MICAL3: variants seen among roughly 807,000 people sequenced by gnomAD.
MICAL3 encodes the protein microtubule associated monooxygenase, calponin and LIM domain containing 3, also known as [F-actin]-monooxygenase MICAL3.
A neutral mutation model predicts 207.4 loss-of-function variants in MICAL3; 62 were observed. The observed-to-expected ratio is 0.30, with a 90% CI of 0.24 to 0.37. The LOEUF is 0.37. MICAL3 is among the 10% of genes least tolerant of loss of function. The probability of loss-of-function intolerance (pLI) is 1.00; values close to 1 mark genes in which losing one functional copy is unlikely to be tolerated. For synonymous variants in MICAL3, 1,077 were observed against 1,069.3 expected, an observed-to-expected ratio of 1.01 and a Z score of -0.14; for missense variants, 2,368 against 2,635.6, an observed-to-expected ratio of 0.90 and a Z score of 2.22.
intron 28 of MICAL3, among the ~76,000 whole-genome samples, chr22:17,809,991 C>A (rs982825082): frequency 6.6e-6 from 1 of 150,904 alleles, no homozygotes; most frequent in Non-Finnish European, 1.5e-5. Context: ...TGGGTTCAAG[C>A]GATTCTCGTG....
chr22:17,812,447 C>T (rs78630124), intron 27 of MICAL3: 17,056 of 918,844 alleles, frequency 0.019, 194 homozygotes, highest in African/African-American at 0.048. Context: ...GGGCCGGCGC[C>T]GGGTGGTTAA....
intron 17 of MICAL3, among the ~76,000 whole-genome samples, chr22:17,870,011 C>T (rs1458955622): frequency 6.6e-6 from 1 of 152,152 alleles, no homozygotes; most frequent in Admixed American, 6.5e-5. Context: ...GCTAAAACTT[C>T]GGTGCCCCTA....
chr22:17,957,720 A>G (rs1233788881), intron 1 of MICAL3, among the ~76,000 whole-genome samples: 1 of 146,074 alleles, frequency 6.8e-6, no homozygotes, highest in African/African-American at 2.6e-5. Context: ...AAAAAAAAAA[A>G]AAAAAAAGAG....
At chr22:18,003,206 G>A (rs1482307418) in intron 1 of MICAL3, among the ~76,000 whole-genome samples, 1 of 150,702 alleles carries the variant, frequency 6.6e-6, no homozygotes, top group Non-Finnish European at 1.5e-5. Flanking sequence ...TAGACTTTCT[G>A]ACACCTACTT....
intron 1 of MICAL3, among the ~76,000 whole-genome samples, chr22:17,947,362 A>G (rs1016392331): frequency 6.6e-6 from 1 of 152,244 alleles, no homozygotes; most frequent in Non-Finnish European, 1.5e-5. Flanking sequence ...TTAAGGAAAG[A>G]GGAAAAGACC....
At chr22:17,988,668 G>A (rs1473990256) in intron 1 of MICAL3, among the ~76,000 whole-genome samples, 2 of 152,168 alleles carry the variant, frequency 1.3e-5, no homozygotes, top group East Asian at 1.9e-4. Flanking sequence ...ATCTTGGCCA[G>A]GCTGGTCTTG....
At chr22:17,863,287 G>C (rs929655417) in intron 19 of MICAL3, 2 of 985,234 alleles carry the variant, frequency 2.0e-6, no homozygotes, top group Admixed American at 6.1e-5. Context: ...AGTTTCTTTT[G>C]AGTTGTTCTA....
chr22:17,980,880 C>T (rs1416415110), intron 1 of MICAL3: 1 of 531,718 alleles, frequency 1.9e-6, no homozygotes, highest in South Asian at 1.4e-5. Flanking sequence ...CCCTCACTTC[C>T]GACTAAGTGC....
intron 1 of MICAL3, among the ~76,000 whole-genome samples, chr22:17,913,955 A>T (rs146427966): frequency 3.8e-4 from 58 of 152,294 alleles, no homozygotes; most frequent in African/African-American, 1.3e-3. Context: ...CCTGAGGCTC[A>T]CCATCCTACA....
At chr22:17,944,421 T>C (rs942910953) in intron 1 of MICAL3, among the ~76,000 whole-genome samples, 2 of 152,130 alleles carry the variant, frequency 1.3e-5, no homozygotes, top group African/African-American at 4.8e-5. Flanking sequence ...AGAGCAAATA[T>C]TGTTTACAAC....
chr22:17,852,970 G>C (rs1925495113), intron 19 of MICAL3, among the ~76,000 whole-genome samples: 1 of 151,966 alleles, frequency 6.6e-6, no homozygotes, highest in Admixed American at 6.6e-5. Context: ...AGCTACTCAG[G>C]AGACTGGGGC....
At chr22:17,943,864 G>A (rs1385349218) in intron 1 of MICAL3, among the ~76,000 whole-genome samples, 1 of 152,222 alleles carries the variant, frequency 6.6e-6, no homozygotes, top group African/African-American at 2.4e-5. Context: ...AAAAGGCAGT[G>A]CAGGTGAGAG....
chr22:17,920,403 C>T (rs764158527), intron 1 of MICAL3, among the ~76,000 whole-genome samples: 1 of 152,192 alleles, frequency 6.6e-6, no homozygotes, highest in Non-Finnish European at 1.5e-5. Context: ...TTCACTCCCT[C>T]TCCAATCTGG....
rs117060280 is a variant in MICAL3 at position 17,808,392 on chromosome 22, C to T, written c.5650+452G>A. Among the ~76,000 whole-genome samples the T allele has an allele frequency of 7.6e-4, 116 of 152,330 alleles. 1 individual carries two copies. In the East Asian group the frequency reaches 0.02, roughly 27 times the overall value. ...GGGTGGCCACATGCTCCCCGACCAG[C>T]GGTGTTGAGGGCTCTGTGGGCAGGA... On this transcript the variant is annotated intron_variant, in intron 29 of 31. Transcript: ENST00000441493.
chr22:17,836,402 T>C (rs991195712), intron 20 of MICAL3, among the ~76,000 whole-genome samples: 2 of 152,214 alleles, frequency 1.3e-5, no homozygotes. Context: ...GTCATTTGCA[T>C]AAGGAGAAGT....
intron 1 of MICAL3, among the ~76,000 whole-genome samples, chr22:18,002,554 A>C (rs1281353524): frequency 6.6e-6 from 1 of 151,942 alleles, no homozygotes; most frequent in Non-Finnish European, 1.5e-5. Flanking sequence ...AATCGCTTGA[A>C]CCCAGGAGGC....
rs759157240 is a variant in MICAL3 at position 17,886,317 on chromosome 22, C to T, written c.2068-266G>A. 3.9e-5 allele frequency among the ~76,000 whole-genome samples: 6 copies of T among 152,216 alleles called. No individual in the cohort carries two copies. In the East Asian group the frequency reaches 9.6e-4, roughly 24 times the overall value. On this transcript the variant is annotated intron_variant, in intron 15 of 31. Transcript: ENST00000441493. ...AAAGAGACAAGGAGGCCCTGGTGCACGTGTGTGCATCCCTGGTGTGCTCTG... is the reference window on the plus strand; with the variant it reads ...AAAGAGACAAGGAGGCCCTGGTGCATGTGTGTGCATCCCTGGTGTGCTCTG...
At chr22:17,795,402 G>A (rs188860275) in intron 29 of MICAL3, among the ~76,000 whole-genome samples, 4 of 152,320 alleles carry the variant, frequency 2.6e-5, no homozygotes, top group African/African-American at 4.8e-5. Flanking sequence ...GCTGTGGAGC[G>A]GAACAGCGCC....
At position 17,906,545 on chromosome 22, in the gene MICAL3, T is replaced by C. The variant is rs1408703304; in HGVS notation, c.264+4A>G. The C allele has an allele frequency of 6.2e-7, 1 of 1,612,050 alleles. No individual in the cohort carries two copies. The highest frequency in any genetic ancestry group is 1.1e-5 in the South Asian group (1 of 90,904). On this transcript the variant is annotated splice_donor_region_variant and intron_variant, in intron 2 of 31. Coordinates refer to ENST00000441493, the MANE Select transcript of MICAL3 (RefSeq NM_015241.3). ...CCCCAGGGCCCAACAGGAGCAAAGCTTACCTTGGTGTTAGTGCACGCTTTT... is the reference window on the plus strand; with the variant it reads ...CCCCAGGGCCCAACAGGAGCAAAGCCTACCTTGGTGTTAGTGCACGCTTTT...
Sources: allele counts gnomAD v4.1 joint callset (sites outside exome capture counted in the v4.1 genomes callset), GRCh38; gene constraint gnomAD v4.1.1; transcripts MANE v1.5; gene names NCBI Gene and HGNC (gene_info 2026-07-23, HGNC 2026-07-21).